Variants in LAMC1 observed in about 807,000 individuals in gnomAD.
LAMC1 encodes the protein laminin subunit gamma-1.
In LAMC1, 38 loss-of-function variants were observed where a neutral mutation model predicts 173.6. That is an observed-to-expected ratio of 0.22 (90% confidence interval 0.17 to 0.29). The LOEUF (loss-of-function observed/expected upper bound fraction) is 0.29, where lower values mean the gene tolerates loss of function less well. Among genes scored for constraint, LAMC1 ranks in the 10% least tolerant of loss-of-function variants. LAMC1 has a pLI of 1.00. For synonymous variants in LAMC1, 746 were observed against 749.1 expected (o/e 1.00, Z 0.07); for missense variants, 1,824 against 2,051.8 (o/e 0.89, Z 2.14).
intron 22 of LAMC1, 85 bp from the exon 23 acceptor site, chr1:183,134,575 T>C (rs1187520494): frequency 2.0e-6 from 2 of 1,004,994 alleles, no homozygotes; most frequent in Admixed American, 4.6e-5. Context: ...CATTGAGTAT[T>C]AGGTGTTACA....
chr1:183,065,291 G>GTA (rs200730759), intron 1 of LAMC1, among the ~76,000 whole-genome samples: 3,654 of 152,218 alleles, frequency 0.024, 146 homozygotes, highest in African/African-American at 0.083. Context: ...GACAGAGACT[G>GTA]TATATATATA....
At chr1:183,098,828 C>T (rs1655759821) in intron 1 of LAMC1, among the ~76,000 whole-genome samples, 1 of 152,206 alleles carries the variant, frequency 6.6e-6, no homozygotes, top group South Asian at 2.1e-4. Flanking sequence ...TGTAGAGAAC[C>T]AGTCTCCCAA....
chr1:183,076,471 G>T (rs913301141), intron 1 of LAMC1, among the ~76,000 whole-genome samples: 21 of 152,156 alleles, frequency 1.4e-4, no homozygotes, highest in African/African-American at 4.6e-4. Flanking sequence ...TTGCTCCTTC[G>T]ATGTTTTCCA....
chr1:183,142,492 T>C (rs200810116), intron 27 of LAMC1, 42 bp from the exon 28 acceptor site: 189 of 1,547,340 alleles, frequency 1.2e-4, no homozygotes, highest in Non-Finnish European at 1.6e-4. Flanking sequence ...TCATTCTTAC[T>C]GAATATGTCT....
chr1:183,088,698 T>C (rs769718407), intron 1 of LAMC1, among the ~76,000 whole-genome samples: 2 of 152,210 alleles, frequency 1.3e-5, no homozygotes, highest in African/African-American at 4.8e-5. Context: ...ATAAGTGCTA[T>C]GTGTTCGGAA....
intron 20 of LAMC1, 137 bp from the exon 21 acceptor site, chr1:183,132,263 G>C: frequency 1.7e-6 from 1 of 578,584 alleles, no homozygotes; most frequent in South Asian, 2.8e-5. Flanking sequence ...CTGCACACCA[G>C]CCTGGGTGAC....
At chr1:183,025,574 C>G (rs1001584887) in intron 1 of LAMC1, among the ~76,000 whole-genome samples, 3 of 152,142 alleles carry the variant, frequency 2.0e-5, no homozygotes, top group Non-Finnish European at 4.4e-5. Flanking sequence ...CGAGGATTTC[C>G]TAAGATCTGT....
intron 26 of LAMC1, chr1:183,138,155 G>A: frequency 1.2e-6 from 1 of 809,116 alleles, no homozygotes; most frequent in Non-Finnish European, 1.5e-6. Flanking sequence ...GGAATGCAAT[G>A]AAGTTAATTT....
intron 1 of LAMC1, among the ~76,000 whole-genome samples, chr1:183,082,828 A>C (rs1484045944): frequency 6.6e-6 from 1 of 152,176 alleles, no homozygotes; most frequent in Non-Finnish European, 1.5e-5. Flanking sequence ...TCAAAGTTAG[A>C]ACTGTGACTT....
At chr1:183,063,320 C>T (rs1011362970) in intron 1 of LAMC1, among the ~76,000 whole-genome samples, 1 of 145,526 alleles carries the variant, frequency 6.9e-6, no homozygotes, top group Non-Finnish European at 1.5e-5. Context: ...AGCTAATTGA[C>T]ATAATTTATC....
chr1:183,115,740 T>C (rs950772547), intron 6 of LAMC1, 103 bp downstream of exon 6: 1 of 817,508 alleles, frequency 1.2e-6, no homozygotes, highest in South Asian at 1.6e-5. Flanking sequence ...ACATTTTTCC[T>C]GTAATAATTG....
intron 1 of LAMC1, among the ~76,000 whole-genome samples, chr1:183,040,434 G>A (rs1654099584): frequency 6.6e-6 from 1 of 152,138 alleles, no homozygotes; most frequent in Admixed American, 6.5e-5. Flanking sequence ...AACATCTGCT[G>A]GGAAATCTGA....
At chr1:183,103,755 C>A in intron 2 of LAMC1, 123 bp downstream of exon 2, 2 of 744,872 alleles carry the variant, frequency 2.7e-6, no homozygotes, top group Non-Finnish European at 4.2e-6. Flanking sequence ...AATACTTGAG[C>A]AACACAGACA....
At chr1:183,087,411 G>A (rs1342679605) in intron 1 of LAMC1, among the ~76,000 whole-genome samples, 1 of 152,194 alleles carries the variant, frequency 6.6e-6, no homozygotes, top group Non-Finnish European at 1.5e-5. Context: ...ACGTTCTTAT[G>A]TGTGTATGTG....
intron 1 of LAMC1, among the ~76,000 whole-genome samples, chr1:183,093,959 A>G (rs1655629789): frequency 6.6e-6 from 1 of 152,170 alleles, no homozygotes; most frequent in Non-Finnish European, 1.5e-5. Context: ...GCAACCAGTC[A>G]TCCTTTTGAA....
chr1:183,032,295 G>A (rs1225073962), intron 1 of LAMC1, among the ~76,000 whole-genome samples: 1 of 152,150 alleles, frequency 6.6e-6, no homozygotes, highest in Non-Finnish European at 1.5e-5. Context: ...TTATGGTAAG[G>A]CTGGGAAATG....
At chr1:183,089,411 A>G (rs1655511960) in intron 1 of LAMC1, among the ~76,000 whole-genome samples, 1 of 152,220 alleles carries the variant, frequency 6.6e-6, no homozygotes. Flanking sequence ...TATGCTATGT[A>G]AATAATTTGT....
chr1:183,079,711 G>A (rs1355925110), intron 1 of LAMC1, among the ~76,000 whole-genome samples: 1 of 152,136 alleles, frequency 6.6e-6, no homozygotes, highest in East Asian at 1.9e-4. Context: ...ATTTAAATTA[G>A]TTTGATTATC....
intron 1 of LAMC1, among the ~76,000 whole-genome samples, chr1:183,069,285 A>G (rs1269606021): frequency 2.0e-5 from 3 of 152,158 alleles, no homozygotes; most frequent in South Asian, 4.2e-4. Context: ...TTTCATTATC[A>G]CTGTTGTGCT....
Sources: allele counts gnomAD v4.1 joint callset (sites outside exome capture counted in the v4.1 genomes callset), GRCh38; gene constraint gnomAD v4.1.1; transcripts MANE v1.5; gene names NCBI Gene and HGNC (gene_info 2026-07-23, HGNC 2026-07-21).